ESCO2: variants seen among roughly 807,000 people sequenced by gnomAD.
ESCO2 encodes the protein N-acetyltransferase ESCO2.
ESCO2 carries 51 observed loss-of-function variants against 61.7 expected under a neutral mutation model. The ratio of observed to expected loss-of-function variants is 0.83; its 90% confidence interval spans 0.66 to 1.04. The LOEUF is 1.04. Ranked by LOEUF, ESCO2 falls within the 50% of genes least tolerant of loss-of-function variation. ESCO2 has a pLI of 0.00. For synonymous variants in ESCO2, 230 were observed against 238.2 expected (o/e 0.97, Z 0.32); for missense variants, 692 against 686.2 (o/e 1.01, Z -0.09).
chr8:27,775,558 AGT>A lies in ESCO2; in HGVS notation c.48_49del (p.Cys16Ter), dbSNP rs1208160200. The A allele has an allele frequency of 6.2e-7, 1 of 1,614,174 alleles. No homozygotes were observed. The highest frequency in any genetic ancestry group is 1.3e-5 in the African/African-American group (1 of 75,070). On this transcript the variant is annotated frameshift_variant, in exon 2 of 11. Transcript: ENST00000305188. LOFTEE classifies it high-confidence loss of function. Reference sequence around the variant, plus strand: ...AGGAAGAGGAAGCAGGATTCTTTGAAGTGTGACAGGTGAATCTCAGCCTGTGA... The same window carrying A: ...AGGAAGAGGAAGCAGGATTCTTTGAAGTGACAGGTGAATCTCAGCCTGTGA...
intron 6 of ESCO2, among the ~76,000 whole-genome samples, chr8:27,788,564 G>A (rs1246178599): frequency 1.3e-5 from 2 of 151,060 alleles, no homozygotes; most frequent in Admixed American, 6.6e-5. Flanking sequence ...TCACCATGTC[G>A]CCCAGACTGG....
In ESCO2 at chr8:27,784,006, C is replaced by G; in HGVS notation, c.962C>G (p.Pro321Arg). ...ATGATTTTTCCCCTACCAGTTTCTC[C>G]TAAGTCCACTGTCTATCCAATCTTC... is the stretch of plus-strand genomic sequence containing the variant. ...DSLGENKTIS[P>R]KSTVYPIFSA... The change falls in exon 5 of 11, where the codon CCT becomes CGT. Residue 321 changes from proline (P) to arginine (R), a missense_variant. By Grantham distance (103) the Pro-to-Arg change is moderately radical. Coordinates refer to ENST00000305188, the MANE Select transcript of ESCO2 (RefSeq NM_001017420.3). The G allele has an allele frequency of 1.2e-6, 2 of 1,613,030 alleles. No individual in the cohort carries two copies. Among genetic ancestry groups the G allele is most frequent in the Non-Finnish European group, 1.7e-6 (2 of 1,179,154 alleles).
Position 27,779,374 on chromosome 8 carries a change from C to G in ESCO2, c.862-800C>G, listed in dbSNP as rs1286904108. ...TCCTTTTTCCCCAAGCTATATATTC[C>G]CTAGTAATTCCCAAATTAGTATGAG... On this transcript the variant is annotated intron_variant, in intron 3 of 10. Transcript: ENST00000305188. 3 of 152,136 alleles carry G rather than the reference C, an allele frequency of 2.0e-5. No individual in the cohort carries two copies. The East Asian group carries it at 5.8e-4, about 29-fold the overall frequency. 9.4% of individuals were successfully genotyped at this position (152,136 alleles called of 1,614,324 possible).
intron 2 of ESCO2, among the ~76,000 whole-genome samples, chr8:27,776,084 CAT>C (rs1448665496): frequency 6.6e-6 from 1 of 152,190 alleles, no homozygotes; most frequent in Non-Finnish European, 1.5e-5. Context: ...ATGGCCAACA[CAT>C]AGAAATCGAT....
chr8:27,776,068 T>G (rs1195156181), intron 2 of ESCO2, among the ~76,000 whole-genome samples: 2 of 152,214 alleles, frequency 1.3e-5, no homozygotes, highest in African/African-American at 2.4e-5. Context: ...GAGCTATAAT[T>G]TATATATGGC....
downstream of ESCO2, among the ~76,000 whole-genome samples, chr8:27,805,496 T>A (rs1805547111): frequency 6.6e-6 from 1 of 152,076 alleles, no homozygotes; most frequent in African/African-American, 2.4e-5. Context: ...GTTGTCTTGG[T>A]TGGGTGTTTT....
In ESCO2 at chr8:27,803,956, G is replaced by A; in HGVS notation, c.*518G>A. 3 of 987,088 alleles carry A rather than the reference G, an allele frequency of 3.0e-6. No homozygotes were observed. The highest frequency in any genetic ancestry group is 3.6e-6 in the Non-Finnish European group (3 of 831,596). The allele number at this position is 987,088 out of a possible 1,614,324, so 61.1% of individuals were successfully genotyped here. A position where few individuals can be genotyped will look rare whatever the true frequency, so the allele number is the denominator to read the frequency against. On this transcript the variant is annotated 3_prime_UTR_variant, in exon 11 of 11. Coordinates refer to ENST00000305188, the MANE Select transcript of ESCO2 (RefSeq NM_001017420.3). ...GGGTCTCACTGTGTTGCCCAGGCTG[G>A]TCTGAAACTTTTGGGCTCAAGCGAT...
At chr8:27,810,324 G>A, downstream of ESCO2, 1 of 1,611,642 alleles carries the variant, frequency 6.2e-7, no homozygotes, top group Non-Finnish European at 8.5e-7. Flanking sequence ...TGTTTCCAGA[G>A]CTTCAACAAT....
chr8:27,772,663 GT>G, upstream of ESCO2: 1 of 903,090 alleles, frequency 1.1e-6, no homozygotes, highest in Non-Finnish European at 1.7e-6. Flanking sequence ...TCCGGCGGAC[GT>G]CGGGGCGCGT....
downstream of ESCO2, chr8:27,810,453 G>C (rs377305728): frequency 6.2e-7 from 1 of 1,608,140 alleles, no homozygotes; most frequent in African/African-American, 1.3e-5. Context: ...AGTTCCCAAC[G>C]CTGCATAGTA....
At chr8:27,784,888 G>C (rs1585397241) in intron 5 of ESCO2, among the ~76,000 whole-genome samples, 2 of 152,164 alleles carry the variant, frequency 1.3e-5, no homozygotes, top group South Asian at 4.1e-4. Flanking sequence ...TCAGTGATTA[G>C]GATGGGTGCA....
rs1238755499 is a variant in ESCO2, at chr8:27,803,346, A to G, written c.1714A>G (p.Ile572Val). ...TGGCTGTTTTCTCAGCACTGATGAA[A>G]TAGCATTTTCTGACCCAACACCAGA... ...MFGCFLSTDE[I>V]AFSDPTPDGK... is the part of the protein sequence containing the mutation. Residue 572 changes from isoleucine to valine, a missense_variant, in exon 11 of 11, where the codon ATA becomes GTA. Physicochemically the swap from Ile to Val is conservative, Grantham distance 29. Transcript: ENST00000305188. The G allele has an allele frequency of 4.3e-6, 7 of 1,614,076 alleles. No homozygotes were observed. Among genetic ancestry groups the G allele is most frequent in the Non-Finnish European group, 4.2e-6 (5 of 1,180,010 alleles).
chr8:27,789,781 CAAA>C (rs905844657), intron 7 of ESCO2, among the ~76,000 whole-genome samples: 7 of 56,530 alleles, frequency 1.2e-4, no homozygotes, highest in South Asian at 7.0e-4. Flanking sequence ...AACTCCATCT[CAAA>C]AAAAAAAAAA....
Position 27,805,067 on chromosome 8 carries a change from G to A in ESCO2, c.*1629G>A, listed in dbSNP as rs1300442789. On this transcript the variant is annotated 3_prime_UTR_variant, in exon 11 of 11. Transcript: ENST00000305188. ...GGAGGCCGAGGCGGGTGGATCATGA[G>A]GTCAGGAGATCGAGACCATCCTGGC... The A allele has an allele frequency of 8.9e-6, 1 of 112,268 alleles. No individual in the cohort carries two copies. The highest frequency in any genetic ancestry group is 1.7e-5 in the Non-Finnish European group (1 of 58,058). The allele number at this position is 112,268 out of a possible 1,614,324, so 7.0% of individuals were successfully genotyped here. A position where few individuals can be genotyped will look rare whatever the true frequency, so the allele number is the denominator to read the frequency against.
upstream of ESCO2, chr8:27,772,558 G>A (rs773320090): frequency 1.1e-4 from 171 of 1,548,794 alleles, no homozygotes; most frequent in Non-Finnish European, 1.4e-4. Flanking sequence ...GGAGCGGTGC[G>A]GTGACTCCAC....
In ESCO2 at chr8:27,776,356, T is replaced by C. The variant is rs1041318463; in HGVS notation, c.54-6T>C. On this transcript the variant is annotated splice_region_variant and splice_polypyrimidine_tract_variant and intron_variant, in intron 2 of 10. Transcript: ENST00000305188. ...TCTTATCAATGGACTTTGTTTCTTT[T>C]TATAGCCTTTTACACTTCACTGAAA... 2.4e-5 allele frequency: 38 copies of C among 1,599,008 alleles called. No individual in the cohort carries two copies. The highest frequency in any genetic ancestry group is 2.9e-5 in the Non-Finnish European group (34 of 1,171,386).
At chr8:27,812,394 C>A (rs1805705760), downstream of ESCO2, 1 of 152,102 alleles carries the variant, frequency 6.6e-6, no homozygotes, top group South Asian at 2.1e-4. Context: ...CTAGGCAATA[C>A]CATTCAGGAC....
chr8:27,810,412 C>G (rs1162909825), downstream of ESCO2: 1 of 1,604,334 alleles, frequency 6.2e-7, no homozygotes, highest in South Asian at 1.1e-5. Flanking sequence ...TGGTATGATT[C>G]ATCCAGTTCT....
At chr8:27,800,297 C>T (rs998824658) in intron 10 of ESCO2, among the ~76,000 whole-genome samples, 10 of 152,126 alleles carry the variant, frequency 6.6e-5, no homozygotes, top group Admixed American at 1.3e-4. Context: ...AAAAAGACAA[C>T]CTAATTTAAA....
Sources: allele counts gnomAD v4.1 joint callset (sites outside exome capture counted in the v4.1 genomes callset), GRCh38; gene constraint gnomAD v4.1.1; transcripts MANE v1.5; gene names NCBI Gene and HGNC (gene_info 2026-07-23, HGNC 2026-07-21).